MPP2: variants seen among roughly 807,000 people sequenced by gnomAD.
MPP2 encodes the protein MAGUK p55 subfamily member 2.
A neutral mutation model predicts 58.5 loss-of-function variants in MPP2; 42 were observed. The ratio of observed to expected loss-of-function variants is 0.72; its 90% CI spans 0.56 to 0.93. MPP2 has a LOEUF of 0.93. Among genes scored for constraint, MPP2 ranks in the 40% least tolerant of loss-of-function variants. MPP2 has a pLI of 0.00. For missense variants in MPP2, 632 were observed against 760.4 expected (o/e 0.83, Z 1.99); for synonymous variants, 300 against 307.8 (o/e 0.97, Z 0.26).
chr17:43,896,537 T>C (rs1034457275), intron 3 of MPP2, among the ~76,000 whole-genome samples: 2 of 151,908 alleles, frequency 1.3e-5, no homozygotes, highest in South Asian at 2.1e-4. Flanking sequence ...CTGTTCTGCC[T>C]CTTTCCAGCC....
chr17:43,899,568 A>G (rs903700544), intron 2 of MPP2, among the ~76,000 whole-genome samples: 2 of 152,158 alleles, frequency 1.3e-5, no homozygotes, highest in Non-Finnish European at 2.9e-5. Context: ...CTGAGTGACA[A>G]TGATCTATAA....
At chr17:43,888,724 C>A (rs1032935186) in intron 3 of MPP2, among the ~76,000 whole-genome samples, 1 of 152,080 alleles carries the variant, frequency 6.6e-6, no homozygotes, top group Non-Finnish European at 1.5e-5. Flanking sequence ...AGCCAGGGTG[C>A]CTCCTAAGCT....
At chr17:43,882,760 C>A in intron 5 of MPP2, 143 bp downstream of exon 5, 1 of 1,280,344 alleles carries the variant, frequency 7.8e-7, no homozygotes, top group Non-Finnish European at 1.1e-6. Context: ...TTCCCCCGAC[C>A]CTTTGCTGCA....
Position 43,880,067 on chromosome 17 carries a change from C to A in MPP2, c.1151-83G>T. ...ACACATATATGCACCCCTACCCAGG[C>A]CCCCGTTTCCCAGCCTTGGAGGTGC... On this transcript the variant is annotated intron_variant, in intron 10 of 12. Coordinates refer to ENST00000269095, the MANE Select transcript of MPP2 (RefSeq NM_005374.5). The surrounding 1 kb of genome is among the most constrained non-coding windows in gnomAD (Gnocchi z 5.2). 4 of 1,343,162 alleles carry A rather than the reference C, an allele frequency of 3.0e-6. No homozygotes were observed. The highest frequency in any genetic ancestry group is 1.9e-5 in the Admixed American group (1 of 53,560). The allele number at this position is 1,343,162 out of a possible 1,614,324, so 83.2% of individuals were successfully genotyped here. A position where few individuals can be genotyped will look rare whatever the true frequency, so the allele number is the denominator to read the frequency against.
At chr17:43,886,343 G>A (rs1229843681) in intron 3 of MPP2, among the ~76,000 whole-genome samples, 1 of 151,342 alleles carries the variant, frequency 6.6e-6, no homozygotes, top group Admixed American at 6.6e-5. Context: ...GGAGTGCAGT[G>A]GCGCGATCTC....
chr17:43,884,289 T>C, intron 3 of MPP2: 1 of 584,310 alleles, frequency 1.7e-6, no homozygotes, highest in Non-Finnish European at 3.0e-6. Flanking sequence ...GATCATATGT[T>C]GTAGTTGGTT....
At chr17:43,882,832 T>C in intron 5 of MPP2, 71 bp downstream of exon 5, 3 of 1,598,716 alleles carry the variant, frequency 1.9e-6, no homozygotes, top group Non-Finnish European at 2.6e-6. Flanking sequence ...TGGCCTTTTT[T>C]GTCCGTTCAT....
intron 12 of MPP2, among the ~76,000 whole-genome samples, chr17:43,878,554 C>A (rs2046951095): frequency 6.6e-6 from 1 of 152,208 alleles, no homozygotes; most frequent in South Asian, 2.1e-4. Context: ...GTTGGCCACA[C>A]CTGTTGCCAA....
intron 1 of MPP2, among the ~76,000 whole-genome samples, chr17:43,905,064 C>A (rs2048236534): frequency 7.5e-6 from 1 of 134,084 alleles, no homozygotes; most frequent in African/African-American, 2.9e-5. Flanking sequence ...ATGATCCCAG[C>A]TACTTGTGGG....
In MPP2 at chr17:43,879,525, C is replaced by T. The variant is rs989548487; in HGVS notation, c.1354-122G>A. On this transcript the variant is annotated intron_variant, in intron 11 of 12. Coordinates refer to ENST00000269095, the MANE Select transcript of MPP2 (RefSeq NM_005374.5). This position sits in a 1 kb window ranked among gnomAD's most constrained non-coding sequence, Gnocchi z 4.1. ...TGGGAGTGGATGAGAAAAGGGTGCCCGGGGGTCTGGGACATGAGTCCTGGG... is the reference window on the plus strand; with the variant it reads ...TGGGAGTGGATGAGAAAAGGGTGCCTGGGGGTCTGGGACATGAGTCCTGGG... 30 of 1,301,258 alleles carry T rather than the reference C, an allele frequency of 2.3e-5. No individual in the cohort carries two copies. The highest frequency in any genetic ancestry group is 2.9e-5 in the Non-Finnish European group (27 of 925,618). The allele number at this position is 1,301,258 out of a possible 1,614,324, so 80.6% of individuals were successfully genotyped here. A position where few individuals can be genotyped will look rare whatever the true frequency, so the allele number is the denominator to read the frequency against.
chr17:43,899,443 T>C (rs2047995376), intron 2 of MPP2, among the ~76,000 whole-genome samples: 1 of 152,154 alleles, frequency 6.6e-6, no homozygotes, highest in Non-Finnish European at 1.5e-5. Context: ...GCCTCCAGTC[T>C]AAGCACCACT....
At chr17:43,896,792 C>T (rs992578406) in intron 3 of MPP2, among the ~76,000 whole-genome samples, 2 of 152,176 alleles carry the variant, frequency 1.3e-5, no homozygotes, top group African/African-American at 4.8e-5. Flanking sequence ...TCTTCCTGCT[C>T]CATCTCTGAT....
At chr17:43,888,078 A>G (rs2047447647) in intron 3 of MPP2, among the ~76,000 whole-genome samples, 1 of 152,240 alleles carries the variant, frequency 6.6e-6, no homozygotes, top group South Asian at 2.1e-4. Context: ...AAATTTGTTT[A>G]GCCATGAGAT....
At chr17:43,878,481 T>C (rs1597746756) in intron 12 of MPP2, among the ~76,000 whole-genome samples, 1 of 151,878 alleles carries the variant, frequency 6.6e-6, no homozygotes, top group East Asian at 1.9e-4. Flanking sequence ...TGGGCAGGGG[T>C]GAGGAAGGGT....
At chr17:43,900,902 G>A (rs902162804) in intron 2 of MPP2, among the ~76,000 whole-genome samples, 12 of 152,256 alleles carry the variant, frequency 7.9e-5, no homozygotes, top group African/African-American at 2.6e-4. Context: ...CTTCAAGACT[G>A]GCGCGGTACT....
Position 43,879,732 on chromosome 17 carries a change from G to T in MPP2, c.1353+50C>A, listed in dbSNP as rs1485627814. On this transcript the variant is annotated intron_variant, in intron 11 of 12. Coordinates refer to ENST00000269095, the MANE Select transcript of MPP2 (RefSeq NM_005374.5). The surrounding 1 kb of genome is among the most constrained non-coding windows in gnomAD (Gnocchi z 4.1). Reference sequence around the variant, plus strand: ...CTGGAACTATATGGGGGAGCAATGAGGCAGCAGAGAGGACATTGGGCAGGC... The same window carrying T: ...CTGGAACTATATGGGGGAGCAATGATGCAGCAGAGAGGACATTGGGCAGGC... The T allele has an allele frequency of 1.9e-6, 3 of 1,594,122 alleles. No individual in the cohort carries two copies. In the Admixed American group the frequency reaches 5.0e-5, roughly 27 times the overall value.
At chr17:43,892,308 T>C (rs961687653) in intron 3 of MPP2, among the ~76,000 whole-genome samples, 2 of 152,378 alleles carry the variant, frequency 1.3e-5, no homozygotes, top group African/African-American at 4.8e-5. Flanking sequence ...ATTTCATTCC[T>C]GTGGGTTTCT....
In MPP2 at chr17:43,882,264, G is replaced by T; in HGVS notation, c.681+20C>A. 1 of 1,600,322 alleles carries T rather than the reference G, an allele frequency of 6.2e-7. No individual in the cohort carries two copies. The highest frequency in any genetic ancestry group is 8.5e-7 in the Non-Finnish European group (1 of 1,173,920). ...GAGGCTCAGCCATCCCTTGGGCCTT[G>T]TGCTGGGTGAGGGGCCCACCTGGCG... On this transcript the variant is annotated intron_variant, in intron 6 of 12. Transcript: ENST00000269095.
chr17:43,893,784 T>C lies in MPP2; in HGVS notation c.150+4478A>G, dbSNP rs577370701. ...CCCCTCACCCTGATCCGTGGAAAAA[T>C]TGTCTTCCACAAAACTGGTCCCTGG... On this transcript the variant is annotated intron_variant, in intron 3 of 12. Coordinates refer to ENST00000269095, the MANE Select transcript of MPP2 (RefSeq NM_005374.5). Among the ~76,000 whole-genome samples, 28 of 152,136 alleles carry C rather than the reference T, an allele frequency of 1.8e-4. 1 individual carries two copies. The highest frequency in any genetic ancestry group is 9.2e-4 in the Admixed American group (14 of 15,276).
Sources: gnomAD v4.1 joint callset for allele counts (sites outside exome capture counted in the v4.1 genomes callset) on GRCh38, gnomAD v4.1.1 for gene constraint, Gnocchi (gnomAD v3.1) non-coding constraint, MANE v1.5 for transcripts, NCBI Gene and HGNC (gene_info 2026-07-23, HGNC 2026-07-21) for gene names.